ACSBG1: variants seen among roughly 807,000 people sequenced by gnomAD.
The protein encoded by ACSBG1 is acyl-CoA synthetase bubblegum family member 1, also known as long-chain-fatty-acid--CoA ligase ACSBG1.
Under a neutral mutation model 80.2 loss-of-function variants are expected in ACSBG1, and 39 were observed. The ratio of observed to expected loss-of-function variants is 0.49; its 90% confidence interval spans 0.38 to 0.64. The LOEUF (loss-of-function observed/expected upper bound fraction) is 0.64, where lower values mean the gene tolerates loss of function less well. Ranked by LOEUF, ACSBG1 falls within the 30% of genes least tolerant of loss-of-function variation. ACSBG1 has a pLI of 0.00. For synonymous variants in ACSBG1, 392 were observed against 379.5 expected, an observed-to-expected ratio of 1.03 and a Z score of -0.38; for missense variants, 828 against 966.4, an observed-to-expected ratio of 0.86 and a Z score of 1.90.
At chr15:78,176,593 G>A (rs1454580075) in intron 11 of ACSBG1, among the ~76,000 whole-genome samples, 1 of 152,042 alleles carries the variant, frequency 6.6e-6, no homozygotes, top group South Asian at 2.1e-4. Flanking sequence ...AAAATTCTTA[G>A]AAGTAAATAT....
chr15:78,168,469 A>G lies in ACSBG1; in HGVS notation c.*2975T>C, dbSNP rs1567074229. 1 of 152,208 alleles carries G rather than the reference A, an allele frequency of 6.6e-6. No individual in the cohort carries two copies. The highest frequency in any genetic ancestry group is 2.1e-4 in the South Asian group (1 of 4,832). The allele number at this position is 152,208 out of a possible 1,614,324, so 9.4% of individuals were successfully genotyped here. A position where few individuals can be genotyped will look rare whatever the true frequency, so the allele number is the denominator to read the frequency against. On this transcript the variant is annotated 3_prime_UTR_variant, in exon 14 of 14. Transcript: ENST00000258873. ...GTGCCACTGCACTCCAGCCTGGGCA[A>G]CAGAGTGAGACTCCATCTAAAAAAA... is the stretch of plus-strand genomic sequence containing the variant.
chr15:78,184,095 C>T (rs2074976320), intron 5 of ACSBG1, among the ~76,000 whole-genome samples: 2 of 152,304 alleles, frequency 1.3e-5, no homozygotes, highest in Middle Eastern at 3.4e-3. Flanking sequence ...TATAATAGTA[C>T]ACTTTGATTC....
intron 8 of ACSBG1, chr15:78,181,208 A>AG: frequency 2.4e-6 from 1 of 410,672 alleles, no homozygotes; most frequent in Non-Finnish European, 4.3e-6. Context: ...AGTCTAACTT[A>AG]GACACAAGAA....
chr15:78,212,836 T>G, intron 1 of ACSBG1: 1 of 281,940 alleles, frequency 3.5e-6, no homozygotes, highest in East Asian at 9.5e-5. Context: ...GACACCCTGC[T>G]GTAATTTATG....
intron 1 of ACSBG1, among the ~76,000 whole-genome samples, chr15:78,208,518 C>T (rs1348190351): frequency 1.3e-5 from 2 of 152,204 alleles, no homozygotes; most frequent in Non-Finnish European, 1.5e-5. Context: ...GGGGTTCCCC[C>T]ATCTGTCACT....
intron 5 of ACSBG1, 118 bp from the exon 6 acceptor site, chr15:78,182,903 C>T (rs2074963943): frequency 9.6e-7 from 1 of 1,044,322 alleles, no homozygotes; most frequent in African/African-American, 1.6e-5. Context: ...CCGTCTCTGA[C>T]CTTCGACCCC....
rs2074900296 is a variant in ACSBG1 at position 78,177,999 on chromosome 15, G to A, written c.1702+615C>T. 6.6e-6 allele frequency among the ~76,000 whole-genome samples: 1 copy of A among 152,078 alleles called. No individual in the cohort carries two copies. The highest frequency in any genetic ancestry group is 1.5e-5 in the Non-Finnish European group (1 of 68,016). The stretch of plus-strand genomic sequence containing the variant: ...GCATATAAAAATACATAATACTTAC[G>A]CTCCTGAATCTTCTGGAAAGACTTG... On this transcript the variant is annotated intron_variant, in intron 11 of 13. Coordinates refer to ENST00000258873, the MANE Select transcript of ACSBG1 (RefSeq NM_015162.5). This position sits in a 1 kb window ranked among gnomAD's most constrained non-coding sequence, Gnocchi z 4.1.
intron 2 of ACSBG1, among the ~76,000 whole-genome samples, chr15:78,197,718 T>TCAA (rs1358581674): frequency 4.6e-4 from 42 of 91,490 alleles, no homozygotes; most frequent in African/African-American, 1.5e-3. Flanking sequence ...GACTCTGTCT[T>TCAA]TAAAAAAAAA....
At position 78,178,489 on chromosome 15, in the gene ACSBG1, A is replaced by T; in HGVS notation, c.1702+125T>A. 9.6e-7 allele frequency: 1 copy of T among 1,037,466 alleles called. No homozygotes were observed. The highest frequency in any genetic ancestry group is 1.4e-6 in the Non-Finnish European group (1 of 739,628). The allele number at this position is 1,037,466 out of a possible 1,614,324, so 64.3% of individuals were successfully genotyped here. On this transcript the variant is annotated intron_variant, in intron 11 of 13. Coordinates refer to ENST00000258873, the MANE Select transcript of ACSBG1 (RefSeq NM_015162.5). The surrounding 1 kb of genome is among the most constrained non-coding windows in gnomAD (Gnocchi z 4.3). The stretch of plus-strand genomic sequence containing the variant: ...AATTTTTCGTGTGTTTTTAGTAGAG[A>T]TGGGGTTTCGCTGTGCTGCCCAGGG...
intron 2 of ACSBG1, among the ~76,000 whole-genome samples, chr15:78,198,818 G>C (rs1289708925): frequency 1.3e-5 from 2 of 152,138 alleles, no homozygotes; most frequent in African/African-American, 4.8e-5. Context: ...AAGGTGGCAG[G>C]GGAGAGAGAT....
Position 78,172,789 on chromosome 15 carries a change from G to C in ACSBG1, c.2089+804C>G, listed in dbSNP as rs1054671265. 2.0e-4 allele frequency among the ~76,000 whole-genome samples: 30 copies of C among 152,220 alleles called. No homozygotes were observed. The highest frequency in any genetic ancestry group is 7.2e-4 in the African/African-American group (30 of 41,524). On this transcript the variant is annotated intron_variant, in intron 13 of 13. Transcript: ENST00000258873. This position sits in a 1 kb window ranked among gnomAD's most constrained non-coding sequence, Gnocchi z 4.1. Reference sequence around the variant, plus strand: ...TATGAACATCCCATGAACATCTCTTGGCTACAGCCAAGAGTGACTTCAGCT... The same window carrying C: ...TATGAACATCCCATGAACATCTCTTCGCTACAGCCAAGAGTGACTTCAGCT...
At chr15:78,222,237 A>G (rs993875036) in intron 1 of ACSBG1, among the ~76,000 whole-genome samples, 2 of 152,268 alleles carry the variant, frequency 1.3e-5, no homozygotes, top group African/African-American at 4.8e-5. Context: ...TGAAATGTCC[A>G]GAATAAGCAA....
At chr15:78,185,644 T>C (rs1296210719) in intron 5 of ACSBG1, among the ~76,000 whole-genome samples, 4 of 152,138 alleles carry the variant, frequency 2.6e-5, no homozygotes, top group Non-Finnish European at 5.9e-5. Context: ...AATCTACCAA[T>C]TTCAGAAGGT....
chr15:78,185,049 GA>G (rs2074985937), intron 5 of ACSBG1, among the ~76,000 whole-genome samples: 1 of 74,164 alleles, frequency 1.3e-5, no homozygotes, highest in African/African-American at 6.3e-5. Flanking sequence ...GGGCGGAGGG[GA>G]GGGAGAGAGA....
In ACSBG1 at chr15:78,219,915, G is replaced by C. The variant is rs554955159; in HGVS notation, c.132-11813C>G. On this transcript the variant is annotated intron_variant, in intron 1 of 13. Coordinates refer to ENST00000258873, the MANE Select transcript of ACSBG1 (RefSeq NM_015162.5). ...AGGAGAATGGCATGAACCTGGAGGC[G>C]GAGCTTGCAGTGAGCTGAGATCACA... Among the ~76,000 whole-genome samples, 170 of 152,262 alleles carry C rather than the reference G, an allele frequency of 1.1e-3. 1 individual carries two copies. Among genetic ancestry groups the C allele is most frequent in the African/African-American group, 4.1e-3 (169 of 41,546 alleles).
chr15:78,199,517 T>C (rs2075146627), intron 2 of ACSBG1, among the ~76,000 whole-genome samples: 1 of 152,058 alleles, frequency 6.6e-6, no homozygotes, highest in East Asian at 2.0e-4. Context: ...AGAGAGACCT[T>C]GTCTCTACAA....
At chr15:78,203,355 G>A (rs763100695) in intron 2 of ACSBG1, among the ~76,000 whole-genome samples, 16 of 152,330 alleles carry the variant, frequency 1.1e-4, no homozygotes, top group Non-Finnish European at 2.4e-4. Flanking sequence ...ACTCCAAAAG[G>A]CAACCAACGA....
intron 2 of ACSBG1, 148 bp from the exon 3 acceptor site, chr15:78,194,874 T>A (rs1595889632): frequency 1.4e-6 from 1 of 721,408 alleles, no homozygotes; most frequent in East Asian, 2.7e-5. Flanking sequence ...TGGGGTAGAC[T>A]GGGGTAGGCT....
chr15:78,209,202 A>G, intron 1 of ACSBG1: 1 of 456,030 alleles, frequency 2.2e-6, no homozygotes, highest in Admixed American at 2.3e-5. Context: ...AACAAAACTA[A>G]GTTTGTGAAC....
Sources: gnomAD v4.1 joint callset for allele counts (sites outside exome capture counted in the v4.1 genomes callset) on GRCh38, gnomAD v4.1.1 for gene constraint, Gnocchi (gnomAD v3.1) non-coding constraint, MANE v1.5 for transcripts, NCBI Gene and HGNC (gene_info 2026-07-23, HGNC 2026-07-21) for gene names.